SSBP2: variants seen among roughly 807,000 people sequenced by gnomAD.
The protein encoded by SSBP2 is single stranded DNA binding protein 2.
SSBP2 carries 17 observed loss-of-function variants against 61.8 expected under a neutral mutation model. The observed-to-expected ratio is 0.28, with a 90% CI of 0.19 to 0.41. The LOEUF (loss-of-function observed/expected upper bound fraction) is 0.41, where lower values mean the gene tolerates loss of function less well. Among genes scored for constraint, SSBP2 ranks in the 10% least tolerant of loss-of-function variants. SSBP2 has a pLI of 1.00. For missense variants in SSBP2, 310 were observed against 458.7 expected, an observed-to-expected ratio of 0.68 and a Z score of 2.96; for synonymous variants, 139 against 141.3, an observed-to-expected ratio of 0.98 and a Z score of 0.12.
intron 4 of SSBP2, among the ~76,000 whole-genome samples, chr5:81,609,377 G>C (rs527904654): frequency 6.6e-6 from 1 of 152,180 alleles, no homozygotes; most frequent in East Asian, 1.9e-4. Context: ...TCATTCAAAA[G>C]CCAGTGCACA....
intron 15 of SSBP2, among the ~76,000 whole-genome samples, chr5:81,430,577 T>G (rs1471729445): frequency 6.6e-6 from 1 of 152,186 alleles, no homozygotes; most frequent in Non-Finnish European, 1.5e-5. Flanking sequence ...GATTCCTAAC[T>G]CAAAATATTG....
At chr5:81,595,670 T>C (rs2153536101) in intron 4 of SSBP2, among the ~76,000 whole-genome samples, 1 of 152,332 alleles carries the variant, frequency 6.6e-6, no homozygotes, top group East Asian at 1.9e-4. Context: ...ATCCCTGGGA[T>C]GCAAGGCTGG....
At chr5:81,588,713 C>A (rs1196288827) in intron 4 of SSBP2, among the ~76,000 whole-genome samples, 1 of 152,030 alleles carries the variant, frequency 6.6e-6, no homozygotes, top group Non-Finnish European at 1.5e-5. Flanking sequence ...ATAGAGTCAC[C>A]AAATTTTCAA....
At chr5:81,461,202 C>T (rs2154000170) in intron 9 of SSBP2, 99 bp from the exon 10 acceptor site, 4 of 875,882 alleles carry the variant, frequency 4.6e-6, no homozygotes, top group Non-Finnish European at 6.6e-6. Flanking sequence ...AATTCAGTTA[C>T]TATGCAGTTC....
intron 4 of SSBP2, among the ~76,000 whole-genome samples, chr5:81,549,789 G>A (rs1772032984): frequency 6.6e-6 from 1 of 152,130 alleles, no homozygotes; most frequent in African/African-American, 2.4e-5. Flanking sequence ...CTATGTTTGA[G>A]GTAAGCATAG....
intron 4 of SSBP2, among the ~76,000 whole-genome samples, chr5:81,535,727 T>TA (rs1699912989): frequency 1.3e-5 from 2 of 151,964 alleles, no homozygotes; most frequent in African/African-American, 4.8e-5. Flanking sequence ...AAAATGAATC[T>TA]AAACACAGAC....
intron 4 of SSBP2, among the ~76,000 whole-genome samples, chr5:81,526,240 ATTG>A (rs1363543049): frequency 1.3e-5 from 2 of 152,082 alleles, no homozygotes; most frequent in Non-Finnish European, 2.9e-5. Context: ...CCTTAACACT[ATTG>A]TTAGCACAGA....
chr5:81,483,764 TACACAC>T (rs531570279), intron 6 of SSBP2, among the ~76,000 whole-genome samples: 81 of 149,342 alleles, frequency 5.4e-4, no homozygotes, highest in Admixed American at 1.2e-3. Context: ...CATATATATA[TACACAC>T]ACACACACAC....
At chr5:81,450,968 T>C (rs1026224549) in intron 10 of SSBP2, among the ~76,000 whole-genome samples, 1 of 152,158 alleles carries the variant, frequency 6.6e-6, no homozygotes, top group Non-Finnish European at 1.5e-5. Flanking sequence ...TTAACAAATA[T>C]CTGGAAGCAT....
chr5:81,521,034 C>T (rs1459232021), intron 4 of SSBP2, among the ~76,000 whole-genome samples: 1 of 151,932 alleles, frequency 6.6e-6, no homozygotes, highest in Non-Finnish European at 1.5e-5. Flanking sequence ...TATTTTTAAA[C>T]TTTATGGCTA....
At chr5:81,477,373 A>G (rs1765661894) in intron 6 of SSBP2, among the ~76,000 whole-genome samples, 1 of 152,178 alleles carries the variant, frequency 6.6e-6, no homozygotes, top group Non-Finnish European at 1.5e-5. Context: ...CATACTCTCC[A>G]ACATCAATTC....
intron 12 of SSBP2, among the ~76,000 whole-genome samples, chr5:81,445,349 C>A (rs1368510861): frequency 6.6e-6 from 1 of 150,950 alleles, no homozygotes; most frequent in Non-Finnish European, 1.5e-5. Context: ...GGAAGATGTA[C>A]TTGTGGCAAT....
At chr5:81,704,257 G>C (rs183416329) in intron 1 of SSBP2, among the ~76,000 whole-genome samples, 79 of 152,208 alleles carry the variant, frequency 5.2e-4, no homozygotes, top group African/African-American at 1.9e-3. Context: ...CTTCACTAAC[G>C]AATATAAAAA....
chr5:81,696,141 G>A (rs933413448), intron 1 of SSBP2, among the ~76,000 whole-genome samples: 8 of 152,044 alleles, frequency 5.3e-5, no homozygotes, highest in Non-Finnish European at 7.4e-5. Flanking sequence ...ATGCCACTAC[G>A]GTTAAACACT....
rs779410288 is a variant in SSBP2 at position 81,420,551 on chromosome 5, T to A, written c.1057-18A>T. On this transcript the variant is annotated intron_variant, in intron 16 of 16. Transcript: ENST00000320672. ...GGGGAGTACTAGAAGGAAAGAAGAA[T>A]CCATATTTTAACAACAATTCTTTTA... The A allele has an allele frequency of 6.2e-7, 1 of 1,610,116 alleles. No homozygotes were observed. The highest frequency in any genetic ancestry group is 8.5e-7 in the Non-Finnish European group (1 of 1,176,520).
At chr5:81,615,286 T>A (rs1217792355) in intron 4 of SSBP2, 187 bp downstream of exon 4, 2 of 596,392 alleles carry the variant, frequency 3.4e-6, no homozygotes, top group Admixed American at 2.9e-5. Flanking sequence ...ATCCTAAGCT[T>A]TAACAAGACT....
rs1745920612 is a variant in SSBP2, at chr5:81,615,460, T to C, written c.282+13A>G. 6.3e-7 allele frequency: 1 copy of C among 1,597,828 alleles called. No individual in the cohort carries two copies. The highest frequency in any genetic ancestry group is 1.7e-5 in the Admixed American group (1 of 59,946). ...CTGACAGTGTAACTTTGTAAAATTA[T>C]ATGTTAACTTACGTAATCATGGAAG... is the stretch of plus-strand genomic sequence containing the variant. On this transcript the variant is annotated intron_variant, in intron 4 of 16. Coordinates refer to ENST00000320672, the MANE Select transcript of SSBP2 (RefSeq NM_012446.5).
intron 1 of SSBP2, chr5:81,750,679 C>T (rs1157551554): frequency 2.6e-5 from 11 of 421,916 alleles, no homozygotes; most frequent in Non-Finnish European, 4.3e-5. Flanking sequence ...GGTGAACCCG[C>T]GGGTTATTTC....
At chr5:81,428,471 G>T in intron 16 of SSBP2, 114 bp downstream of exon 16, 1 of 692,798 alleles carries the variant, frequency 1.4e-6, no homozygotes, top group Non-Finnish European at 2.4e-6. Context: ...TTATCTAAAA[G>T]ATAAACCTGT....
Sources: gnomAD v4.1 joint callset for allele counts (sites outside exome capture counted in the v4.1 genomes callset) on GRCh38, gnomAD v4.1.1 for gene constraint, MANE v1.5 for transcripts, NCBI Gene and HGNC (gene_info 2026-07-23, HGNC 2026-07-21) for gene names.